Variants in KHNYN observed in about 807,000 individuals in gnomAD.
KHNYN encodes the protein protein KHNYN.
A neutral mutation model predicts 62.7 loss-of-function variants in KHNYN; 42 were observed. The observed-to-expected ratio is 0.67, with a 90% CI of 0.52 to 0.87. KHNYN has a LOEUF of 0.87. Among genes scored for constraint, KHNYN ranks in the 40% least tolerant of loss-of-function variants. The pLI is 0.00. For synonymous variants in KHNYN, 347 were observed against 345.6 expected (o/e 1.00, Z -0.04); for missense variants, 829 against 874.1 (o/e 0.95, Z 0.65).
At position 24,431,656 on chromosome 14, in the gene KHNYN, A is replaced by G. The variant is rs767555639; in HGVS notation, c.395A>G (p.Gln132Arg). The G allele has an allele frequency of 3.7e-6, 6 of 1,614,114 alleles. No homozygotes were observed. The highest frequency in any genetic ancestry group is 2.5e-6 in the Non-Finnish European group (3 of 1,180,016). ...SGLTEAFVMA[Q>R]SRVEELAERL... ...CTGACTGAAGCCTTTGTCATGGCTC[A>G]GAGCCGGGTAGAAGAGCTGGCAGAG... The change falls in exon 3 of 8, where the codon CAG (glutamine) becomes CGG (arginine). Residue 132 changes from glutamine (Q) to arginine (R), a missense_variant. Gln to Arg is a conservative substitution (Grantham distance 43). This residue lies in a region of KHNYN where 559 missense variants were observed against 527.0 expected (regional missense o/e 1.06). Transcript: ENST00000553935.
At chr14:24,429,591 C>T, upstream of KHNYN, 1 of 799,966 alleles carries the variant, frequency 1.3e-6, no homozygotes, top group South Asian at 1.7e-5. Flanking sequence ...CCTCCGCCTC[C>T]CGCCTCCCGC....
chr14:24,428,790 C>G (rs199897938), upstream of KHNYN: 9 of 1,605,934 alleles, frequency 5.6e-6, no homozygotes, highest in Middle Eastern at 1.7e-4. Context: ...GTGCCATTGC[C>G]GGTTTCCCCT....
rs1419957983 is a variant in KHNYN, at chr14:24,432,933, TAG to T, written c.1483_1484del. 1 of 1,614,162 alleles carries T rather than the reference TAG, an allele frequency of 6.2e-7. No homozygotes were observed. Among genetic ancestry groups the T allele is most frequent in the Non-Finnish European group, 8.5e-7 (1 of 1,180,000 alleles). On this transcript the variant is annotated splice_acceptor_variant, in intron 4 of 7. Coordinates refer to ENST00000553935, the MANE Select transcript of KHNYN (RefSeq NM_015299.3). LOFTEE classifies it high-confidence loss of function. This position sits in a 1 kb window ranked among gnomAD's most constrained non-coding sequence, Gnocchi z 5.6. ...AGAACCCTATTATGTTCTTTTTCAA[TAG>T]AGAGTCACTTCCTGCAAAAGCTGTA... is the stretch of plus-strand genomic sequence containing the variant.
chr14:24,424,761 C>T (rs1566491593), upstream of KHNYN, among the ~76,000 whole-genome samples: 1 of 152,190 alleles, frequency 6.6e-6, no homozygotes, highest in Non-Finnish European at 1.5e-5. Flanking sequence ...AGGAACTGAA[C>T]TTTAAATGAG....
At chr14:24,427,200 T>A (rs999952488), upstream of KHNYN, 5 of 157,908 alleles carry the variant, frequency 3.2e-5, no homozygotes, top group African/African-American at 1.2e-4. This position sits in a 1 kb window ranked among gnomAD's most constrained non-coding sequence, Gnocchi z 4.4. Context: ...ATGTTCAGTC[T>A]AGACAATACA....
chr14:24,436,227 T>C (rs183482408), intron 6 of KHNYN, 48 bp downstream of exon 6: 2 of 1,548,102 alleles, frequency 1.3e-6, no homozygotes, highest in South Asian at 1.1e-5. Flanking sequence ...CAGATGTTTT[T>C]CTAAAGCCAG....
At chr14:24,434,146 T>C in intron 5 of KHNYN, 1 of 985,064 alleles carries the variant, frequency 1.0e-6, no homozygotes, top group South Asian at 4.7e-5. Context: ...CACACCTGCA[T>C]TGAAACAGAA....
rs1392839999 is a variant in KHNYN at position 24,439,574 on chromosome 14, A to G, written c.*2289A>G. ...ATCATCATTCTCTCTTCTAGTGTCTATCTTTATCATAACCTGATGTCCCAA... is the reference window on the plus strand; with the variant it reads ...ATCATCATTCTCTCTTCTAGTGTCTGTCTTTATCATAACCTGATGTCCCAA... On this transcript the variant is annotated 3_prime_UTR_variant, in exon 8 of 8. Coordinates refer to ENST00000553935, the MANE Select transcript of KHNYN (RefSeq NM_015299.3). 1.3e-5 allele frequency: 2 copies of G among 153,036 alleles called. No individual in the cohort carries two copies. The highest frequency in any genetic ancestry group is 2.9e-5 in the Non-Finnish European group (2 of 68,674). 9.5% of individuals were successfully genotyped at this position (153,036 alleles called of 1,614,324 possible). A position where few individuals can be genotyped will look rare whatever the true frequency, so the allele number is the denominator to read the frequency against.
At chr14:24,427,256 C>T (rs2043029252), upstream of KHNYN, 1 of 164,010 alleles carries the variant, frequency 6.1e-6, no homozygotes, top group South Asian at 1.6e-4. This position sits in a 1 kb window ranked among gnomAD's most constrained non-coding sequence, Gnocchi z 4.4. Flanking sequence ...CCCTTCCCAC[C>T]CTTCTGCCTG....
chr14:24,425,279 C>A (rs1379997711), upstream of KHNYN, among the ~76,000 whole-genome samples: 1 of 152,194 alleles, frequency 6.6e-6, no homozygotes, highest in Non-Finnish European at 1.5e-5. Flanking sequence ...ATAAAACTCC[C>A]AACTTCTGGC....
Position 24,440,696 on chromosome 14 carries a change from T to A in KHNYN, c.*3411T>A. The stretch of plus-strand genomic sequence containing the variant: ...GTGGTGGCATCCTCTCACTCTGTAA[T>A]TGTAATCTCAGCTCTCCTAATCCCA... On this transcript the variant is annotated 3_prime_UTR_variant, in exon 8 of 8. Coordinates refer to ENST00000553935, the MANE Select transcript of KHNYN (RefSeq NM_015299.3). 6.6e-7 allele frequency: 1 copy of A among 1,516,182 alleles called. No homozygotes were observed. The highest frequency in any genetic ancestry group is 1.9e-5 in the Admixed American group (1 of 52,766). The allele number at this position is 1,516,182 out of a possible 1,614,324, so 93.9% of individuals were successfully genotyped here. A position where few individuals can be genotyped will look rare whatever the true frequency, so the allele number is the denominator to read the frequency against.
Position 24,430,074 on chromosome 14 carries a change from T to C in KHNYN, c.-63T>C, listed in dbSNP as rs2139375266. 1 of 985,120 alleles carries C rather than the reference T, an allele frequency of 1.0e-6. No homozygotes were observed. The highest frequency in any genetic ancestry group is 1.2e-6 in the Non-Finnish European group (1 of 829,860). 61.0% of individuals were successfully genotyped at this position (985,120 alleles called of 1,614,324 possible). A position where few individuals can be genotyped will look rare whatever the true frequency, so the allele number is the denominator to read the frequency against. On this transcript the variant is annotated 5_prime_UTR_variant, in exon 1 of 8. Coordinates refer to ENST00000553935, the MANE Select transcript of KHNYN (RefSeq NM_015299.3). ...TGGGGGCGCGGGCAAAGCGGGGGCC[T>C]GGCGGGCGCTGAGAGGACCTGAAGC...
Position 24,440,075 on chromosome 14 carries a change from C to A in KHNYN, c.*2790C>A, listed in dbSNP as rs1043839. 9 of 1,582,184 alleles carry A rather than the reference C, an allele frequency of 5.7e-6. No homozygotes were observed. The East Asian group carries it at 2.0e-4, about 36-fold the overall frequency. On this transcript the variant is annotated 3_prime_UTR_variant, in exon 8 of 8. Coordinates refer to ENST00000553935, the MANE Select transcript of KHNYN (RefSeq NM_015299.3). The stretch of plus-strand genomic sequence containing the variant: ...AGGAACAGGCCTCAGGCCCTTGCCA[C>A]GACCTACTTAGGCTACAATTTCCTT...
chr14:24,437,501 CTTCTCAACTT>C lies in KHNYN; in HGVS notation c.*218_*227del, dbSNP rs2043225338. 2 of 541,494 alleles carry C rather than the reference CTTCTCAACTT, an allele frequency of 3.7e-6. No homozygotes were observed. Among genetic ancestry groups the C allele is most frequent in the East Asian group, 6.3e-5 (2 of 31,706 alleles). 33.5% of individuals were successfully genotyped at this position (541,494 alleles called of 1,614,324 possible). On this transcript the variant is annotated 3_prime_UTR_variant, in exon 8 of 8. Transcript: ENST00000553935. The surrounding 1 kb of genome is among the most constrained non-coding windows in gnomAD (Gnocchi z 5.5). The stretch of plus-strand genomic sequence containing the variant: ...CTCAAGAGGTTCTGCTCAGCCTTAA[CTTCTCAACTT>C]TGCCTTAGCACAGGGTTTCTGTAGG...
rs758991045 is a variant in KHNYN at position 24,430,966 on chromosome 14, C to T, written c.201+35C>T. 10 of 1,579,416 alleles carry T rather than the reference C, an allele frequency of 6.3e-6. No individual in the cohort carries two copies. In the East Asian group the frequency reaches 1.8e-4, roughly 29 times the overall value. On this transcript the variant is annotated intron_variant, in intron 2 of 7. Coordinates refer to ENST00000553935, the MANE Select transcript of KHNYN (RefSeq NM_015299.3). ...TTCTCTCCCCCATCCCTCCAGGCAC[C>T]AAGGACGCTTTCCCCCAGGGCGGAG...
chr14:24,441,243 CTCTGTATAGAATTTTCACATCTTTAAAA>C lies in KHNYN; in HGVS notation c.*3960_*3987del. 1 of 476,030 alleles carries C rather than the reference CTCTGTATAGAATTTTCACATCTTTAAAA, an allele frequency of 2.1e-6. No individual in the cohort carries two copies. The highest frequency in any genetic ancestry group is 2.1e-5 in the South Asian group (1 of 47,850). The allele number at this position is 476,030 out of a possible 1,614,324, so 29.5% of individuals were successfully genotyped here. The stretch of plus-strand genomic sequence containing the variant: ...TGACTTGATGCAAGTTACTTAACCT[CTCTGTATAGAATTTTCACATCTTTAAAA>C]TGGGAATAATAGTACCTACCTCATA... On this transcript the variant is annotated 3_prime_UTR_variant, in exon 8 of 8. Coordinates refer to ENST00000553935, the MANE Select transcript of KHNYN (RefSeq NM_015299.3).
chr14:24,423,644 T>C, the KHNYN span, among the ~76,000 whole-genome samples: 1 of 152,184 alleles, frequency 6.6e-6, no homozygotes, highest in Non-Finnish European at 1.5e-5. Context: ...CTGGGGAAGA[T>C]GAGGGGCAGC....
At position 24,433,066 on chromosome 14, in the gene KHNYN, T is replaced by A. The variant is rs781507682; in HGVS notation, c.1577+34T>A. The A allele has an allele frequency of 2.5e-6, 4 of 1,569,578 alleles. No individual in the cohort carries two copies. In the South Asian group the frequency reaches 3.3e-5, roughly 13 times the overall value. The stretch of plus-strand genomic sequence containing the variant: ...TCCTCTCCTGGCCCCAGGCTTGATA[T>A]TGAAGGAGCCCTATGGAAGACTGAG... On this transcript the variant is annotated intron_variant, in intron 5 of 7. Coordinates refer to ENST00000553935, the MANE Select transcript of KHNYN (RefSeq NM_015299.3).
chr14:24,428,103 A>G, upstream of KHNYN: 3 of 1,332,534 alleles, frequency 2.3e-6, no homozygotes, highest in Admixed American at 2.0e-5. Context: ...GGGAGGGCTG[A>G]GGGGCGGCCA....
Sources: gnomAD v4.1 joint callset for allele counts (sites outside exome capture counted in the v4.1 genomes callset) on GRCh38, gnomAD v4.1.1 for gene constraint, gnomAD v4.1.1 regional missense constraint, Gnocchi (gnomAD v3.1) non-coding constraint, MANE v1.5 for transcripts, NCBI Gene and HGNC (gene_info 2026-07-23, HGNC 2026-07-21) for gene names.